Variants in CCDC141 observed in about 807,000 individuals in gnomAD.
CCDC141 encodes the protein coiled-coil domain-containing protein 141.
A neutral mutation model predicts 181.0 loss-of-function variants in CCDC141; 168 were observed. That is an observed-to-expected ratio of 0.93 (90% CI 0.82 to 1.05). The LOEUF is 1.05. CCDC141 is among the 50% of genes least tolerant of loss of function. CCDC141 has a pLI of 0.00. For missense variants in CCDC141, 1,902 were observed against 1,788.5 expected (o/e 1.06, Z -1.14); for synonymous variants, 666 against 642.3 (o/e 1.04, Z -0.56).
chr2:178,855,514 T>C lies in CCDC141; in HGVS notation c.2893A>G (p.Ser965Gly), dbSNP rs1405879058. Residue 965 changes from serine to glycine, a missense_variant, in exon 19 of 24, where the codon AGT (serine) becomes GGT (glycine). Ser to Gly is a moderately conservative substitution (Grantham distance 56, BLOSUM62 0). Transcript: ENST00000443758. ...AAGAAAGAATCAGAGGTTTTATTACTAACTTTTTCCATTTTCCTTTTCAAA... is the reference window on the plus strand; with the variant it reads ...AAGAAAGAATCAGAGGTTTTATTACCAACTTTTTCCATTTTCCTTTTCAAA... ...QALKRKMEKV[S>G]NKTSDSFLNY... is the part of the protein sequence containing the mutation. 1 of 1,591,292 alleles carries C rather than the reference T, an allele frequency of 6.3e-7. No homozygotes were observed. The highest frequency in any genetic ancestry group is 8.5e-7 in the Non-Finnish European group (1 of 1,172,434).
rs1446310212 is a variant in CCDC141 at position 178,903,273 on chromosome 2, C to T, written c.1265+2056G>A. On this transcript the variant is annotated intron_variant, in intron 8 of 23. Transcript: ENST00000443758. ...CATTACTGGGTATATACCCAAAGGA[C>T]TATAAATCATGCTGCTATAAAGACA... Among the ~76,000 whole-genome samples, 6 of 150,232 alleles carry T rather than the reference C, an allele frequency of 4.0e-5. No individual in the cohort carries two copies. The East Asian group carries it at 7.8e-4, about 20-fold the overall frequency.
intron 8 of CCDC141, among the ~76,000 whole-genome samples, chr2:178,903,391 A>G (rs1214208336): frequency 6.6e-6 from 1 of 152,080 alleles, no homozygotes; most frequent in Non-Finnish European, 1.5e-5. Context: ...GATTAAGAAA[A>G]TGTGGCACAT....
the CCDC141 span, among the ~76,000 whole-genome samples, chr2:178,815,587 G>C: frequency 6.6e-6 from 1 of 152,092 alleles, no homozygotes; most frequent in Non-Finnish European, 1.5e-5. Context: ...ATCCTTGTGG[G>C]ATTGGCTCCA....
At chr2:179,015,469 T>TATATGTGCCATATATCTC (rs2042466974) in intron 2 of CCDC141, among the ~76,000 whole-genome samples, 1 of 105,202 alleles carries the variant, frequency 9.5e-6, no homozygotes, top group Admixed American at 9.7e-5. Context: ...ATATATCTCA[T>TATATGTGCCATATATCTC]ATATGTGCCA....
At chr2:178,874,685 A>T (rs957147460) in intron 12 of CCDC141, 6 of 152,208 alleles carry the variant, frequency 3.9e-5, no homozygotes, top group African/African-American at 1.4e-4. Flanking sequence ...AGAGAGGCTG[A>T]CTCCAGAGAG....
intron 7 of CCDC141, among the ~76,000 whole-genome samples, chr2:178,910,235 T>C (rs1353844854): frequency 1.3e-5 from 2 of 152,222 alleles, no homozygotes; most frequent in Non-Finnish European, 2.9e-5. Flanking sequence ...CCGTGAGTCA[T>C]CTAGCAGAAT....
At chr2:178,912,034 G>A (rs1034238191) in intron 7 of CCDC141, among the ~76,000 whole-genome samples, 1 of 152,134 alleles carries the variant, frequency 6.6e-6, no homozygotes, top group Non-Finnish European at 1.5e-5. Flanking sequence ...TCATGTAGTT[G>A]GCCTTGAAAC....
intron 2 of CCDC141, among the ~76,000 whole-genome samples, chr2:179,009,242 G>A (rs751279847): frequency 2.0e-5 from 3 of 152,108 alleles, no homozygotes; most frequent in Non-Finnish European, 2.9e-5. Context: ...TGCTGAAGCT[G>A]TTACAACTTT....
At chr2:178,881,915 TCACACACACACA>T (rs55791403) in intron 11 of CCDC141, among the ~76,000 whole-genome samples, 18 of 92,346 alleles carry the variant, frequency 1.9e-4, no homozygotes, top group East Asian at 5.6e-4. Flanking sequence ...TCTCTCTCTC[TCACACACACACA>T]CACACACACA....
intron 2 of CCDC141, among the ~76,000 whole-genome samples, chr2:179,005,937 A>G (rs7593748): frequency 6.6e-6 from 1 of 152,184 alleles, no homozygotes; most frequent in Non-Finnish European, 1.5e-5. Context: ...TACAAGATAC[A>G]TCTCTGGATA....
At chr2:178,968,404 A>G (rs577366499) in intron 4 of CCDC141, among the ~76,000 whole-genome samples, 4 of 152,328 alleles carry the variant, frequency 2.6e-5, no homozygotes, top group African/African-American at 7.2e-5. Context: ...ACCACAGTGC[A>G]ATCATATTAG....
intron 2 of CCDC141, among the ~76,000 whole-genome samples, chr2:179,026,292 G>A (rs984115006): frequency 6.6e-6 from 1 of 152,210 alleles, no homozygotes; most frequent in Non-Finnish European, 1.5e-5. Context: ...TTCCTGTGCT[G>A]TGCATAGCCT....
At chr2:179,048,519 A>G (rs1010140181) in intron 1 of CCDC141, among the ~76,000 whole-genome samples, 1 of 152,192 alleles carries the variant, frequency 6.6e-6, no homozygotes, top group Non-Finnish European at 1.5e-5. Flanking sequence ...ATTATTCCTC[A>G]TCCTGCTCCA....
At chr2:179,005,875 G>A (rs961746953) in intron 2 of CCDC141, among the ~76,000 whole-genome samples, 3 of 152,164 alleles carry the variant, frequency 2.0e-5, no homozygotes, top group African/African-American at 7.2e-5. Flanking sequence ...CTCCCAAAGT[G>A]CTGGGATTAT....
intron 6 of CCDC141, among the ~76,000 whole-genome samples, chr2:178,939,459 C>CT (rs1358947259): frequency 6.6e-6 from 1 of 152,094 alleles, no homozygotes; most frequent in Non-Finnish European, 1.5e-5. Flanking sequence ...AGGTGTGATG[C>CT]TTTCTCTCCT....
At chr2:178,919,540 C>A (rs977497154) in intron 6 of CCDC141, among the ~76,000 whole-genome samples, 1 of 152,190 alleles carries the variant, frequency 6.6e-6, no homozygotes, top group Admixed American at 6.5e-5. Flanking sequence ...TTTCTGTGAA[C>A]TCCACCTAAA....
chr2:178,979,744 G>C (rs12468290), intron 2 of CCDC141, among the ~76,000 whole-genome samples: 60,513 of 151,982 alleles, frequency 0.4, 13,943 homozygotes, highest in Non-Finnish European at 0.54. Flanking sequence ...ATGATAAATA[G>C]TGCAATCCAC....
chr2:178,929,588 A>G (rs1689024576), intron 6 of CCDC141, among the ~76,000 whole-genome samples: 1 of 152,142 alleles, frequency 6.6e-6, no homozygotes, highest in Admixed American at 6.5e-5. Context: ...TTGATCTTCA[A>G]TTACCTCAGT....
At chr2:178,874,823 G>A (rs977016796) in intron 12 of CCDC141, 4 of 152,222 alleles carry the variant, frequency 2.6e-5, no homozygotes, top group African/African-American at 9.7e-5. Context: ...GCAGACACTT[G>A]GAGGGCTTCA....
Sources: allele counts gnomAD v4.1 joint callset (sites outside exome capture counted in the v4.1 genomes callset), GRCh38; gene constraint gnomAD v4.1.1; transcripts MANE v1.5; gene names NCBI Gene and HGNC (gene_info 2026-07-23, HGNC 2026-07-21).